Variants in ERCC6L2 observed in about 807,000 individuals in gnomAD.
ERCC6L2 encodes the protein ERCC excision repair 6 like 2.
ERCC6L2 carries 77 observed loss-of-function variants against 132.0 expected under a neutral mutation model. The observed-to-expected ratio is 0.58, with a 90% CI of 0.49 to 0.71. The LOEUF (loss-of-function observed/expected upper bound fraction) is 0.71, where lower values mean the gene tolerates loss of function less well. Among genes scored for constraint, ERCC6L2 ranks in the 30% least tolerant of loss-of-function variants. The pLI is 0.00. For missense variants in ERCC6L2, 1,542 were observed against 1,837.6 expected (o/e 0.84, Z 2.94); for synonymous variants, 583 against 632.4 (o/e 0.92, Z 1.17).
At position 95,965,008 on chromosome 9, in the gene ERCC6L2, A is replaced by G. The variant is rs564332713; in HGVS notation, c.1948-1554A>G. 1.4e-3 allele frequency among the ~76,000 whole-genome samples: 219 copies of G among 152,296 alleles called. 2 individuals carry two copies. The highest frequency in any genetic ancestry group is 5.1e-3 in the African/African-American group (210 of 41,566). On this transcript the variant is annotated intron_variant, in intron 13 of 18. Coordinates refer to ENST00000653738, the MANE Select transcript of ERCC6L2 (RefSeq NM_020207.7). ...TTAAGGTAGTTTCAGTAACAAGGGTAAAATAGGTAGGTACCCGGGCTATCA... is the reference window on the plus strand; with the variant it reads ...TTAAGGTAGTTTCAGTAACAAGGGTGAAATAGGTAGGTACCCGGGCTATCA...
chr9:96,036,763 AT>A (rs201535314), intron 19 of ERCC6L2, among the ~76,000 whole-genome samples: 7 of 137,656 alleles, frequency 5.1e-5, no homozygotes, highest in South Asian at 4.6e-4. Context: ...TATTATTATT[AT>A]TTTTATTTAT....
intron 11 of ERCC6L2, among the ~76,000 whole-genome samples, chr9:95,939,840 A>C (rs1425026341): frequency 6.6e-6 from 1 of 152,072 alleles, no homozygotes; most frequent in Non-Finnish European, 1.5e-5. Context: ...TCTTGGTATA[A>C]GTGATTTTTT....
At chr9:95,985,877 T>C (rs1229499180) in intron 17 of ERCC6L2, among the ~76,000 whole-genome samples, 1 of 152,198 alleles carries the variant, frequency 6.6e-6, no homozygotes, top group Non-Finnish European at 1.5e-5. Flanking sequence ...GCAGATTCTA[T>C]TTATATTCTG....
intron 12 of ERCC6L2, among the ~76,000 whole-genome samples, chr9:95,949,992 G>A (rs1448661395): frequency 2.0e-5 from 3 of 149,508 alleles, no homozygotes; most frequent in African/African-American, 7.4e-5. Flanking sequence ...TCCAGCCTGG[G>A]AGACAGGGTG....
At chr9:95,944,045 C>G (rs1258180167) in intron 12 of ERCC6L2, among the ~76,000 whole-genome samples, 1 of 152,170 alleles carries the variant, frequency 6.6e-6, no homozygotes, top group Non-Finnish European at 1.5e-5. Flanking sequence ...GAATTGAAAG[C>G]AGAGACTTGA....
At chr9:95,997,203 A>G (rs555941367) in intron 17 of ERCC6L2, among the ~76,000 whole-genome samples, 1 of 152,268 alleles carries the variant, frequency 6.6e-6, no homozygotes, top group Non-Finnish European at 1.5e-5. Context: ...CATTGAAAAC[A>G]TCTTTGATTC....
intron 12 of ERCC6L2, among the ~76,000 whole-genome samples, chr9:95,950,092 C>T (rs1831261217): frequency 2.0e-5 from 3 of 150,892 alleles, no homozygotes; most frequent in Admixed American, 1.3e-4. Flanking sequence ...CAAAGTCATA[C>T]AAAAAGATAA....
Position 95,897,888 on chromosome 9 carries a change from A to G in ERCC6L2, c.511A>G (p.Thr171Ala), listed in dbSNP as rs1828551593. 6.2e-7 allele frequency: 1 copy of G among 1,612,506 alleles called. No individual in the cohort carries two copies. Among genetic ancestry groups the G allele is most frequent in the Non-Finnish European group, 8.5e-7 (1 of 1,179,350 alleles). Residue 171 changes from threonine (T) to alanine (A), a missense_variant, in exon 3 of 19, where the codon ACT becomes GCT. Transcript: ENST00000653738. ...FLAAVLHKKG[T>A]REDIENNMPE... is the part of the protein sequence containing the mutation. ...GGCTGCAGTTTTGCATAAAAAGGGA[A>G]CTCGTGAGGATATTGAAAATAACAT...
chr9:95,907,130 T>TG lies in ERCC6L2; in HGVS notation c.649dup (p.Asp217GlyfsTer18). On this transcript the variant is annotated frameshift_variant, in exon 4 of 19. Coordinates refer to ENST00000653738, the MANE Select transcript of ERCC6L2 (RefSeq NM_020207.7). LOFTEE classifies it high-confidence loss of function. ...GTCCTCTACAACTGGAAGGATGAAT[T>TG]GGACACCTGGGGATATTTCAGAGTC... The TG allele has an allele frequency of 6.2e-7, 1 of 1,613,310 alleles. No individual in the cohort carries two copies. Among genetic ancestry groups the TG allele is most frequent in the Non-Finnish European group, 8.5e-7 (1 of 1,179,656 alleles).
chr9:95,900,661 A>G (rs1051606308), intron 3 of ERCC6L2, among the ~76,000 whole-genome samples: 3 of 152,026 alleles, frequency 2.0e-5, no homozygotes, highest in South Asian at 4.1e-4. Context: ...ACATCCATGG[A>G]TCAGTTTTTA....
chr9:95,941,435 T>A lies in ERCC6L2; in HGVS notation c.1752-19T>A. On this transcript the variant is annotated intron_variant, in intron 11 of 18. Coordinates refer to ENST00000653738, the MANE Select transcript of ERCC6L2 (RefSeq NM_020207.7). ...TTTTTGCTGTTCTAATGTGCTTTTT[T>A]TTTTTCTCTTTCCTCCAGGGCTGGT... The A allele has an allele frequency of 1.3e-6, 2 of 1,590,748 alleles. No homozygotes were observed. The highest frequency in any genetic ancestry group is 1.7e-6 in the Non-Finnish European group (2 of 1,166,124).
intron 19 of ERCC6L2, among the ~76,000 whole-genome samples, chr9:96,036,773 A>AT (rs1217415207): frequency 2.2e-4 from 27 of 122,080 alleles, no homozygotes; most frequent in South Asian, 1.1e-3. Context: ...ATTTTTATTT[A>AT]TTTTTTTTTT....
rs73534692 is a variant in ERCC6L2, at chr9:95,943,992, G to A, written c.1847+2443G>A. 2.9e-3 allele frequency among the ~76,000 whole-genome samples: 441 copies of A among 152,262 alleles called. 3 individuals are homozygous for A. Among genetic ancestry groups the A allele is most frequent in the African/African-American group, 0.01 (428 of 41,558 alleles). On this transcript the variant is annotated intron_variant, in intron 12 of 18. Transcript: ENST00000653738. ...AAAAAATTAAACATAAAATTACCAT[G>A]TTATCCAGCAATTACACTTCCACTT...
At chr9:95,888,936 T>C (rs1828017662) in intron 2 of ERCC6L2, among the ~76,000 whole-genome samples, 1 of 152,196 alleles carries the variant, frequency 6.6e-6, no homozygotes, top group Non-Finnish European at 1.5e-5. Flanking sequence ...TGTTAGTGGT[T>C]TTAGCTAGCT....
At chr9:96,007,517 A>C (rs1833900127) in intron 18 of ERCC6L2, among the ~76,000 whole-genome samples, 1 of 152,180 alleles carries the variant, frequency 6.6e-6, no homozygotes. Context: ...GGATGGCATA[A>C]ATGTTAAAGA....
chr9:96,009,183 A>G (rs1588052649), intron 18 of ERCC6L2, among the ~76,000 whole-genome samples: 1 of 152,338 alleles, frequency 6.6e-6, no homozygotes, highest in African/African-American at 2.4e-5. Flanking sequence ...AGCATGCTGC[A>G]TACGCATCTT....
In ERCC6L2 at chr9:95,999,293, G is replaced by A. The variant is rs186709617; in HGVS notation, c.3493-5227G>A. ...GGAGAATGGCGTGAACCCAGGAGGCGGAGCTTGCAGTGAGCCGAGATCACG... is the reference window on the plus strand; with the variant it reads ...GGAGAATGGCGTGAACCCAGGAGGCAGAGCTTGCAGTGAGCCGAGATCACG... On this transcript the variant is annotated intron_variant, in intron 17 of 18. Coordinates refer to ENST00000653738, the MANE Select transcript of ERCC6L2 (RefSeq NM_020207.7). Among the ~76,000 whole-genome samples the A allele has an allele frequency of 3.2e-3, 494 of 152,176 alleles. 16 individuals carry two copies. The highest frequency in any genetic ancestry group is 0.03 in the Admixed American group (459 of 15,290).
intron 2 of ERCC6L2, among the ~76,000 whole-genome samples, chr9:95,894,854 C>T (rs1828367983): frequency 6.6e-6 from 1 of 152,124 alleles, no homozygotes; most frequent in African/African-American, 2.4e-5. Flanking sequence ...CCTCGGCCTC[C>T]CAAAATGCTG....
chr9:95,991,160 G>A (rs1207925126), intron 17 of ERCC6L2, among the ~76,000 whole-genome samples: 4 of 152,008 alleles, frequency 2.6e-5, no homozygotes, highest in East Asian at 1.9e-4. Context: ...GAAAGGCAAC[G>A]TTTGGGTGGA....
Sources: allele counts gnomAD v4.1 joint callset (sites outside exome capture counted in the v4.1 genomes callset), GRCh38; gene constraint gnomAD v4.1.1; transcripts MANE v1.5; gene names NCBI Gene and HGNC (gene_info 2026-07-23, HGNC 2026-07-21).